Variants in CPNE7 observed in about 807,000 individuals in gnomAD.
The protein encoded by CPNE7 is copine-7.
A neutral mutation model predicts 66.5 loss-of-function variants in CPNE7; 78 were observed. The ratio of observed to expected loss-of-function variants is 1.17; its 90% CI spans 0.98 to 1.42. CPNE7 has a LOEUF of 1.42. CPNE7 is among the 40% of genes most tolerant of loss of function. CPNE7 has a pLI of 0.00. For missense variants in CPNE7, 1,012 were observed against 776.6 expected, an observed-to-expected ratio of 1.30 and a Z score of -3.60; for synonymous variants, 468 against 336.7, an observed-to-expected ratio of 1.39 and a Z score of -4.27.
At chr16:89,576,426 T>A (rs1170185597) in intron 1 of CPNE7, among the ~76,000 whole-genome samples, 3 of 149,546 alleles carry the variant, frequency 2.0e-5, no homozygotes, top group Non-Finnish European at 3.0e-5. Context: ...CGCAAGGAGA[T>A]TGAGGGGTGA....
chr16:89,582,788 C>G (rs2151434054), intron 2 of CPNE7, among the ~76,000 whole-genome samples: 1 of 152,364 alleles, frequency 6.6e-6, no homozygotes, highest in African/African-American at 2.4e-5. Context: ...TTGTGACCTC[C>G]CAGCATCCGC....
Position 89,595,368 on chromosome 16 carries a change from A to G in CPNE7, c.1304A>G (p.Gln435Arg). The G allele has an allele frequency of 6.4e-7, 1 of 1,564,560 alleles. No individual in the cohort carries two copies. Among genetic ancestry groups the G allele is most frequent in the Non-Finnish European group, 8.7e-7 (1 of 1,150,336 alleles). The change falls in exon 14 of 15, where the codon CAA becomes CGA. Residue 435 changes from glutamine (Q) to arginine (R), a missense_variant and splice_region_variant. Coordinates refer to ENST00000319518, the MANE Select transcript of CPNE7 (RefSeq NM_153636.3). ...CTGATGCCTTTCCTGTGCCCCCAGC[A>G]ATACTACATCCTGCTGATCCTGACG... ...AAEESTGKAS[Q>R]YYILLILTDG...
chr16:89,586,189 A>G (rs960298237), intron 7 of CPNE7, among the ~76,000 whole-genome samples: 1 of 152,056 alleles, frequency 6.6e-6, no homozygotes, highest in African/African-American at 2.4e-5. Context: ...GGTGACAATG[A>G]CTTGTTATAA....
Position 89,596,514 on chromosome 16 carries a change from C to CT in CPNE7, c.1571dup (p.Ala525GlyfsTer41), listed in dbSNP as rs1212356677. The CT allele has an allele frequency of 6.2e-7, 1 of 1,609,856 alleles. No homozygotes were observed. Among genetic ancestry groups the CT allele is most frequent in the South Asian group, 1.1e-5 (1 of 91,066 alleles). On this transcript the variant is annotated frameshift_variant, in exon 15 of 15. Transcript: ENST00000319518. LOFTEE classifies it low-confidence loss of function (END_TRUNC). ...CCCTGCGGCGCTGGCCAAGTGCGTG[C>CT]TGGCCGAGGTCCCGAAGCAGGTGGT...
intron 10 of CPNE7, 78 bp downstream of exon 10, chr16:89,588,886 C>G: frequency 6.5e-7 from 1 of 1,549,378 alleles, no homozygotes; most frequent in African/African-American, 1.4e-5. Context: ...TTCCCCCTCA[C>G]CCCCCTGGTC....
intron 2 of CPNE7, among the ~76,000 whole-genome samples, chr16:89,581,293 AGAACATCCCGTCACCCATCACACG>A (rs1339897754): frequency 8.3e-6 from 1 of 120,374 alleles, no homozygotes; most frequent in African/African-American, 3.0e-5. Flanking sequence ...CCAGTCACAC[AGAACATCCCGTCACCCATCACACG>A]GAACATCCCA....
At position 89,584,584 on chromosome 16, in the gene CPNE7, G is replaced by A. The variant is rs1056266912; in HGVS notation, c.508-190G>A. On this transcript the variant is annotated intron_variant, in intron 4 of 14. Coordinates refer to ENST00000319518, the MANE Select transcript of CPNE7 (RefSeq NM_153636.3). The surrounding 1 kb of genome is among the most constrained non-coding windows in gnomAD (Gnocchi z 6.0). ...GACTCCATGGAGGGCTGAGTTGCCC[G>A]CCGTGGTCAGATCCCTGGGGGCGGG... Among the ~76,000 whole-genome samples the A allele has an allele frequency of 1.9e-4, 28 of 151,180 alleles. No individual in the cohort carries two copies. The highest frequency in any genetic ancestry group is 3.0e-4 in the Non-Finnish European group (20 of 67,714).
intron 2 of CPNE7, 101 bp from the exon 3 acceptor site, chr16:89,583,596 G>C: frequency 4.4e-6 from 7 of 1,605,872 alleles, no homozygotes; most frequent in Middle Eastern, 3.3e-4. Flanking sequence ...GGGATGGGGA[G>C]ACAGGACAGG....
At chr16:89,578,305 C>T (rs1199023903) in intron 2 of CPNE7, among the ~76,000 whole-genome samples, 5 of 151,952 alleles carry the variant, frequency 3.3e-5, no homozygotes, top group Admixed American at 2.0e-4. Context: ...CCTCGTGATC[C>T]GCCTGCCTTG....
In CPNE7 at chr16:89,586,763, G is replaced by A. The variant is rs1236167413; in HGVS notation, c.867+7G>A. On this transcript the variant is annotated splice_region_variant and intron_variant, in intron 8 of 14. Coordinates refer to ENST00000319518, the MANE Select transcript of CPNE7 (RefSeq NM_153636.3). ...CGTCCTGGCTGACCTCAAGGTGAGAGGTGGCTGTGCCCGAAGCCTCCCCAC... is the reference window on the plus strand; with the variant it reads ...CGTCCTGGCTGACCTCAAGGTGAGAAGTGGCTGTGCCCGAAGCCTCCCCAC... The A allele has an allele frequency of 6.2e-7, 1 of 1,611,552 alleles. No homozygotes were observed. The highest frequency in any genetic ancestry group is 8.5e-7 in the Non-Finnish European group (1 of 1,178,398).
Position 89,587,116 on chromosome 16 carries a change from C to CCTGCCCCATG in CPNE7, c.927+15_927+16insTGCCCCATGC, listed in dbSNP as rs2059056183. 7.2e-7 allele frequency: 1 copy of CCTGCCCCATG among 1,382,298 alleles called. No individual in the cohort carries two copies. Among genetic ancestry groups the CCTGCCCCATG allele is most frequent in the Non-Finnish European group, 9.7e-7 (1 of 1,031,438 alleles). 85.6% of individuals were successfully genotyped at this position (1,382,298 alleles called of 1,614,324 possible). A position where few individuals can be genotyped will look rare whatever the true frequency, so the allele number is the denominator to read the frequency against. On this transcript the variant is annotated intron_variant, in intron 9 of 14. Coordinates refer to ENST00000319518, the MANE Select transcript of CPNE7 (RefSeq NM_153636.3). Reference sequence around the variant, plus strand: ...ATCCACTTCACCGTGAGTCCATGGCCCCGCCCCATGCCGCCCCCTCAGTCC... The same window carrying CCTGCCCCATG: ...ATCCACTTCACCGTGAGTCCATGGCCCTGCCCCATGCCGCCCCATGCCGCCCCCTCAGTCC...
At chr16:89,579,027 A>G in intron 2 of CPNE7, 4 of 1,537,560 alleles carry the variant, frequency 2.6e-6, no homozygotes, top group Non-Finnish European at 3.5e-6. Flanking sequence ...ACGGTGGCTC[A>G]CGCCTGTAAT....
chr16:89,596,334 G>C, intron 14 of CPNE7, 150 bp from the exon 15 acceptor site: 1 of 1,077,722 alleles, frequency 9.3e-7, no homozygotes, highest in South Asian at 1.6e-5. Flanking sequence ...TCCTCAGCAA[G>C]TCTTGCCCGG....
At chr16:89,576,431 G>A (rs1305000854) in intron 1 of CPNE7, among the ~76,000 whole-genome samples, 1 of 152,040 alleles carries the variant, frequency 6.6e-6, no homozygotes, top group Non-Finnish European at 1.5e-5. Context: ...GGAGATTGAG[G>A]GGTGAGGGGC....
At chr16:89,595,649 T>C in intron 14 of CPNE7, 46 bp downstream of exon 14, 1 of 1,520,244 alleles carries the variant, frequency 6.6e-7, no homozygotes, top group Non-Finnish European at 9.0e-7. Flanking sequence ...TGGGGGTCCC[T>C]GTTCATGTCA....
At chr16:89,586,942 C>G (rs2059051114) in intron 8 of CPNE7, 101 bp from the exon 9 acceptor site, 1 of 1,263,380 alleles carries the variant, frequency 7.9e-7, no homozygotes, top group African/African-American at 1.5e-5. Flanking sequence ...GGGTGGCACC[C>G]CAGAGGGACT....
At chr16:89,595,817 A>T (rs748596281) in intron 14 of CPNE7, 32 of 676,194 alleles carry the variant, frequency 4.7e-5, no homozygotes, top group Non-Finnish European at 7.9e-5. Context: ...AAACTTGTCG[A>T]ATCTACACAA....
rs776592789 is a variant in CPNE7, at chr16:89,596,519, C to T, written c.1575C>T (p.Ala525=). ...SPAALAKCVL[A]EVPKQVVEYY... is the part of the protein sequence containing the mutation. ...CGGCGCTGGCCAAGTGCGTGCTGGC[C>T]GAGGTCCCGAAGCAGGTGGTGGAGT... The change falls in exon 15 of 15, where the codon GCC becomes GCT. Residue 525 remains alanine, a synonymous_variant. Coordinates refer to ENST00000319518, the MANE Select transcript of CPNE7 (RefSeq NM_153636.3). 7 of 1,610,000 alleles carry T rather than the reference C, an allele frequency of 4.3e-6. No individual in the cohort carries two copies. Among genetic ancestry groups the T allele is most frequent in the Non-Finnish European group, 5.9e-6 (7 of 1,179,768 alleles).
chr16:89,587,887 G>A lies in CPNE7; in HGVS notation c.927+785G>A, dbSNP rs376465846. 1.9e-4 allele frequency among the ~76,000 whole-genome samples: 8 copies of A among 41,694 alleles called. 1 individual carries two copies. The highest frequency in any genetic ancestry group is 6.2e-4 in the African/African-American group (7 of 11,278). The allele number at this position is 41,694 out of a possible 152,430, so 27.4% of individuals were successfully genotyped here. A position where few individuals can be genotyped will look rare whatever the true frequency, so the allele number is the denominator to read the frequency against. On this transcript the variant is annotated intron_variant, in intron 9 of 14. Transcript: ENST00000319518. ...AGATACACGGCCCCCCGTGTCACCC[G>A]CGTGTCACCCACAGATACACGGCCC...
Sources: allele counts gnomAD v4.1 joint callset (sites outside exome capture counted in the v4.1 genomes callset), GRCh38; gene constraint gnomAD v4.1.1; non-coding constraint Gnocchi (gnomAD v3.1); transcripts MANE v1.5; gene names NCBI Gene and HGNC (gene_info 2026-07-23, HGNC 2026-07-21).